The following IL20RB variants were observed in gnomAD, a reference collection of about 807,000 sequenced individuals.
IL20RB encodes the protein interleukin 20 receptor subunit beta, also known as interleukin-20 receptor subunit beta.
IL20RB carries 21 observed loss-of-function variants against 33.3 expected under a neutral mutation model. The ratio of observed to expected loss-of-function variants is 0.63; its 90% CI spans 0.45 to 0.91. The LOEUF is 0.91. Among genes scored for constraint, IL20RB ranks in the 40% least tolerant of loss-of-function variants. The pLI is 0.00. For synonymous variants in IL20RB, 147 were observed against 146.8 expected, an observed-to-expected ratio of 1.00 and a Z score of -0.01; for missense variants, 345 against 384.8, an observed-to-expected ratio of 0.90 and a Z score of 0.86.
chr3:136,962,502 C>T (rs910379852), intron 1 of IL20RB, among the ~76,000 whole-genome samples: 3 of 152,068 alleles, frequency 2.0e-5, no homozygotes, highest in Admixed American at 2.0e-4. Context: ...GCCTGTAATC[C>T]CAGCACTTTG....
intron 6 of IL20RB, among the ~76,000 whole-genome samples, chr3:136,998,111 G>A (rs971267754): frequency 1.4e-5 from 2 of 147,108 alleles, no homozygotes; most frequent in African/African-American, 5.0e-5. Flanking sequence ...GTTGAATTTA[G>A]GTCCATGATT....
intron 4 of IL20RB, among the ~76,000 whole-genome samples, 187 bp downstream of exon 4, chr3:136,989,752 C>T (rs1406366398): frequency 6.6e-6 from 1 of 152,184 alleles, no homozygotes; most frequent in Non-Finnish European, 1.5e-5. Flanking sequence ...TTCCTTGGTC[C>T]ATTCAATCAT....
At chr3:136,992,688 T>C (rs1399918122) in intron 5 of IL20RB, among the ~76,000 whole-genome samples, 2 of 152,286 alleles carry the variant, frequency 1.3e-5, no homozygotes, top group South Asian at 2.1e-4. Context: ...TCTTTAAAAA[T>C]AGAACTATTT....
intron 1 of IL20RB, among the ~76,000 whole-genome samples, chr3:136,966,304 C>A (rs1187249657): frequency 1.2e-5 from 1 of 83,550 alleles, no homozygotes; most frequent in East Asian, 1.0e-3. Flanking sequence ...TGGTAGAATT[C>A]GGCTGTGAAT....
chr3:136,971,818 A>T (rs1411009401), intron 1 of IL20RB, among the ~76,000 whole-genome samples: 1 of 152,178 alleles, frequency 6.6e-6, no homozygotes, highest in Admixed American at 6.5e-5. Context: ...TTTCCCTTTG[A>T]CATATTGATT....
At chr3:136,969,954 A>G (rs948578432) in intron 1 of IL20RB, among the ~76,000 whole-genome samples, 2 of 151,810 alleles carry the variant, frequency 1.3e-5, no homozygotes, top group Non-Finnish European at 2.9e-5. Flanking sequence ...TTTTTTCCTA[A>G]AAGTTTTAGA....
At chr3:136,984,701 G>T (rs1248875179) in intron 3 of IL20RB, among the ~76,000 whole-genome samples, 1 of 152,028 alleles carries the variant, frequency 6.6e-6, no homozygotes, top group Admixed American at 6.6e-5. Flanking sequence ...GATACCAAAA[G>T]GAATTTTGGT....
chr3:136,994,526 A>G (rs1942090470), intron 5 of IL20RB, among the ~76,000 whole-genome samples: 1 of 152,228 alleles, frequency 6.6e-6, no homozygotes. Context: ...AACAATGTAC[A>G]GTGCCCCCAG....
chr3:136,994,110 T>A (rs1446386084), intron 5 of IL20RB, among the ~76,000 whole-genome samples: 1 of 152,144 alleles, frequency 6.6e-6, no homozygotes, highest in Non-Finnish European at 1.5e-5. Context: ...GTTGTTTCCT[T>A]CCTTGGAATT....
At chr3:137,006,328 G>A (rs556480951) in intron 6 of IL20RB, among the ~76,000 whole-genome samples, 125 of 152,314 alleles carry the variant, frequency 8.2e-4, no homozygotes, top group Admixed American at 9.8e-4. Flanking sequence ...CTAGGTTGGG[G>A]AAGTTCTCCT....
intron 5 of IL20RB, among the ~76,000 whole-genome samples, chr3:136,992,576 G>GT (rs1433512584): frequency 6.6e-6 from 1 of 152,160 alleles, no homozygotes; most frequent in Non-Finnish European, 1.5e-5. Context: ...AACCTACAAT[G>GT]TTTAAAAACC....
Position 137,010,117 on chromosome 3 carries a change from TA to T in IL20RB, c.832del (p.Thr278ProfsTer7). 1 of 1,535,470 alleles carries T rather than the reference TA, an allele frequency of 6.5e-7. No homozygotes were observed. The highest frequency in any genetic ancestry group is 9.0e-7 in the Non-Finnish European group (1 of 1,108,074). On this transcript the variant is annotated frameshift_variant, in exon 7 of 7. Transcript: ENST00000329582. LOFTEE classifies it high-confidence loss of function. ...PVVVLPDTLKITNSPQKLISC... is the reference protein window; with the variant it reads ...PVVVLPDTLKXTNSPQKLISC... ...TTAATGAAAATTATTTTTCAGAAAA[TA>T]ACCAATTCACCCCAGAAGTTAATCA...
chr3:136,972,683 T>C (rs1941516320), intron 1 of IL20RB, among the ~76,000 whole-genome samples: 1 of 152,100 alleles, frequency 6.6e-6, no homozygotes, highest in Non-Finnish European at 1.5e-5. Flanking sequence ...GTTTCCTCTC[T>C]TCTTGATTAG....
At chr3:137,008,933 A>G (rs1465476119) in intron 6 of IL20RB, among the ~76,000 whole-genome samples, 1 of 152,212 alleles carries the variant, frequency 6.6e-6, no homozygotes, top group East Asian at 1.9e-4. Flanking sequence ...ACTGTTCTGG[A>G]ATTTAAAAAA....
At chr3:137,004,724 A>C (rs1288853221) in intron 6 of IL20RB, among the ~76,000 whole-genome samples, 1 of 151,906 alleles carries the variant, frequency 6.6e-6, no homozygotes, top group Non-Finnish European at 1.5e-5. Flanking sequence ...CAGCTTCTGG[A>C]TTCATTTATT....
At chr3:137,006,039 GAT>G (rs936306169) in intron 6 of IL20RB, among the ~76,000 whole-genome samples, 15 of 152,160 alleles carry the variant, frequency 9.9e-5, no homozygotes, top group South Asian at 2.1e-4. Context: ...AGTTTGGCTG[GAT>G]ATGAAATTCT....
At chr3:136,982,096 G>C in intron 2 of IL20RB, 64 bp from the exon 3 acceptor site, 2 of 1,242,268 alleles carry the variant, frequency 1.6e-6, no homozygotes, top group Non-Finnish European at 2.2e-6. Context: ...TCAGTTACTT[G>C]CAACCATAAC....
At chr3:136,987,075 T>A (rs894799216) in intron 3 of IL20RB, among the ~76,000 whole-genome samples, 44 of 152,188 alleles carry the variant, frequency 2.9e-4, no homozygotes, top group South Asian at 1.2e-3. Flanking sequence ...GTAGCAAGAT[T>A]TATTGCAAAG....
intron 6 of IL20RB, among the ~76,000 whole-genome samples, chr3:136,997,545 G>A (rs1942154925): frequency 6.8e-6 from 1 of 147,542 alleles, no homozygotes; most frequent in Non-Finnish European, 1.5e-5. Flanking sequence ...TTTACCTCTG[G>A]TAATATTCCT....
Sources: gnomAD v4.1 joint callset for allele counts (sites outside exome capture counted in the v4.1 genomes callset) on GRCh38, gnomAD v4.1.1 for gene constraint, MANE v1.5 for transcripts, NCBI Gene and HGNC (gene_info 2026-07-23, HGNC 2026-07-21) for gene names.